The following RASSF5 variants were observed in gnomAD, a reference collection of about 807,000 sequenced individuals.
The protein encoded by RASSF5 is Ras association domain family member 5, also known as ras association domain-containing protein 5.
In RASSF5, 25 loss-of-function variants were observed where a neutral mutation model predicts 40.5. The ratio of observed to expected loss-of-function variants is 0.62; its 90% confidence interval spans 0.45 to 0.86. RASSF5 has a LOEUF of 0.86. Ranked by LOEUF, RASSF5 falls within the 40% of genes least tolerant of loss-of-function variation. The pLI is 0.00. For missense variants in RASSF5, 521 were observed against 572.8 expected (o/e 0.91, Z 0.92); for synonymous variants, 246 against 252.4 (o/e 0.97, Z 0.24).
chr1:206,517,494 G>T (rs1666780923), intron 1 of RASSF5, among the ~76,000 whole-genome samples: 1 of 152,054 alleles, frequency 6.6e-6, no homozygotes, highest in Non-Finnish European at 1.5e-5. Context: ...AAAAGAACAA[G>T]TGTCCCTCCT....
At chr1:206,557,486 C>G (rs1553401942) in intron 2 of RASSF5, 1 of 1,583,172 alleles carries the variant, frequency 6.3e-7, no homozygotes, top group Admixed American at 1.7e-5. Context: ...CAAGCGGAGC[C>G]CGGGGAGGGG....
chr1:206,543,441 T>G (rs1667595085), intron 2 of RASSF5: 1 of 152,128 alleles, frequency 6.6e-6, no homozygotes, highest in Non-Finnish European at 1.5e-5. Context: ...AAGGTGCTCT[T>G]CCAAAGGACA....
At chr1:206,551,411 T>G (rs1311582633) in intron 2 of RASSF5, among the ~76,000 whole-genome samples, 2 of 152,196 alleles carry the variant, frequency 1.3e-5, no homozygotes, top group Non-Finnish European at 2.9e-5. Context: ...TTACCCTGGC[T>G]AGGCCGTCCC....
chr1:206,572,297 C>G lies in RASSF5; in HGVS notation c.580-10972C>G, dbSNP rs150586344. ...CGCCTCAGTGAACAAGCCAAAGACC[C>G]TGCCTTGAGGGAGCTTCTTCCGAGA... On this transcript the variant is annotated intron_variant, in intron 2 of 5. Coordinates refer to ENST00000579436, the MANE Select transcript of RASSF5 (RefSeq NM_182663.4). Among the ~76,000 whole-genome samples the G allele has an allele frequency of 3.7e-3, 570 of 152,262 alleles. 5 individuals are homozygous for G. The highest frequency in any genetic ancestry group is 0.013 in the African/African-American group (537 of 41,548).
rs782332110 is a variant in RASSF5, at chr1:206,538,280, T to C, written c.566T>C (p.Val189Ala). The change falls in exon 2 of 6, where the codon GTG (valine) becomes GCG (alanine). Residue 189 changes from valine to alanine, a missense_variant. Val to Ala is a moderately conservative substitution (Grantham distance 64, BLOSUM62 0). Coordinates refer to ENST00000579436, the MANE Select transcript of RASSF5 (RefSeq NM_182663.4). ...DRPSPESTLT[V>A]TFSQNVCKPV... ...CCCTCTCCAGAAAGCACCCTCACCG[T>C]GACCTTCAGCCAGGTAGGTGCCAAA... is the stretch of plus-strand genomic sequence containing the variant. 1 of 1,613,840 alleles carries C rather than the reference T, an allele frequency of 6.2e-7. No individual in the cohort carries two copies. Among genetic ancestry groups the C allele is most frequent in the Non-Finnish European group, 8.5e-7 (1 of 1,180,020 alleles).
At position 206,579,666 on chromosome 1, in the gene RASSF5, T is replaced by A. The variant is rs371557123; in HGVS notation, c.580-3603T>A. 7.9e-5 allele frequency among the ~76,000 whole-genome samples: 12 copies of A among 152,166 alleles called. No homozygotes were observed. Among genetic ancestry groups the A allele is most frequent in the African/African-American group, 2.9e-4 (12 of 41,428 alleles). On this transcript the variant is annotated intron_variant, in intron 2 of 5. Transcript: ENST00000579436. This position sits in a 1 kb window ranked among gnomAD's most constrained non-coding sequence, Gnocchi z 4.2. ...GAATTAAAATCAACTAGGAGATTTT[T>A]AAAATTCCCATGCCCAGACTGCACC... is the stretch of plus-strand genomic sequence containing the variant.
intron 2 of RASSF5, among the ~76,000 whole-genome samples, chr1:206,549,952 C>T (rs1331592977): frequency 6.6e-6 from 1 of 152,194 alleles, no homozygotes; most frequent in Non-Finnish European, 1.5e-5. Context: ...CAGGTGAATA[C>T]TATAGGGGCC....
At chr1:206,572,901 G>A (rs1668498611) in intron 2 of RASSF5, among the ~76,000 whole-genome samples, 1 of 152,098 alleles carries the variant, frequency 6.6e-6, no homozygotes, top group Non-Finnish European at 1.5e-5. Flanking sequence ...TTGGCTGAAG[G>A]GCCTATCGGG....
rs1667364025 is a variant in RASSF5, at chr1:206,535,634, G to C, written c.458-2538G>C. Among the ~76,000 whole-genome samples the C allele has an allele frequency of 6.6e-6, 1 of 152,048 alleles. No individual in the cohort carries two copies. Among genetic ancestry groups the C allele is most frequent in the South Asian group, 2.1e-4 (1 of 4,820 alleles). On this transcript the variant is annotated intron_variant, in intron 1 of 5. Coordinates refer to ENST00000579436, the MANE Select transcript of RASSF5 (RefSeq NM_182663.4). This position sits in a 1 kb window ranked among gnomAD's most constrained non-coding sequence, Gnocchi z 5.0. ...TTATAAAATCCCAGAACACTTCTCA[G>C]AGTCTTCTGCTACTTAGTGTTGTCC...
Position 206,584,305 on chromosome 1 carries a change from G to A in RASSF5, c.691-82G>A. On this transcript the variant is annotated intron_variant, in intron 3 of 5. Transcript: ENST00000579436. This position sits in a 1 kb window ranked among gnomAD's most constrained non-coding sequence, Gnocchi z 4.9. ...GAACTCAAGGAGACAGGTGGGTGCTGCTGGGGCAATGGCCCCGAGTGGCAG... is the reference window on the plus strand; with the variant it reads ...GAACTCAAGGAGACAGGTGGGTGCTACTGGGGCAATGGCCCCGAGTGGCAG... The A allele has an allele frequency of 1.5e-6, 2 of 1,378,138 alleles. No individual in the cohort carries two copies. The highest frequency in any genetic ancestry group is 2.4e-5 in the East Asian group (1 of 41,968). 85.4% of individuals were successfully genotyped at this position (1,378,138 alleles called of 1,614,324 possible).
chr1:206,523,262 C>G (rs1388113030), intron 1 of RASSF5, among the ~76,000 whole-genome samples: 1 of 148,128 alleles, frequency 6.8e-6, no homozygotes, highest in Non-Finnish European at 1.5e-5. Flanking sequence ...AGAGATTGTG[C>G]CACTGTGCTC....
At chr1:206,558,274 C>T (rs1668044899) in intron 2 of RASSF5, among the ~76,000 whole-genome samples, 1 of 152,084 alleles carries the variant, frequency 6.6e-6, no homozygotes, top group African/African-American at 2.4e-5. Flanking sequence ...GTTTGGGTAA[C>T]CTGAAGGGGC....
chr1:206,578,644 A>C (rs1668749550), intron 2 of RASSF5, among the ~76,000 whole-genome samples: 1 of 152,190 alleles, frequency 6.6e-6, no homozygotes, highest in Admixed American at 6.5e-5. Context: ...ATTTTGGTCA[A>C]GAAAAAGTAG....
rs1279617709 is a variant in RASSF5 at position 206,584,979 on chromosome 1, A to G, written c.989-201A>G. 1 of 609,910 alleles carries G rather than the reference A, an allele frequency of 1.6e-6. No homozygotes were observed. Among genetic ancestry groups the G allele is most frequent in the Non-Finnish European group, 2.9e-6 (1 of 344,162 alleles). The allele number at this position is 609,910 out of a possible 1,614,324, so 37.8% of individuals were successfully genotyped here. On this transcript the variant is annotated intron_variant, in intron 4 of 5. Transcript: ENST00000579436. The surrounding 1 kb of genome is among the most constrained non-coding windows in gnomAD (Gnocchi z 4.9). Reference sequence around the variant, plus strand: ...TCTTTCAGGAGATGATGTGAATGGAATCATGCTTTAAACTCTGAGCAGACA... The same window carrying G: ...TCTTTCAGGAGATGATGTGAATGGAGTCATGCTTTAAACTCTGAGCAGACA...
intron 2 of RASSF5, among the ~76,000 whole-genome samples, chr1:206,546,426 A>G (rs1667695360): frequency 6.6e-6 from 1 of 151,954 alleles, no homozygotes; most frequent in African/African-American, 2.4e-5. Flanking sequence ...TTGGTTTTCT[A>G]TGAGTATTCT....
intron 2 of RASSF5, among the ~76,000 whole-genome samples, chr1:206,563,159 A>G (rs910646598): frequency 3.9e-5 from 6 of 152,078 alleles, no homozygotes; most frequent in African/African-American, 1.4e-4. Flanking sequence ...GTTTCTTGCA[A>G]CCACGGGCCA....
chr1:206,563,564 A>T (rs1668206395), intron 2 of RASSF5, among the ~76,000 whole-genome samples: 1 of 152,174 alleles, frequency 6.6e-6, no homozygotes, highest in African/African-American at 2.4e-5. Flanking sequence ...CCTGCACCAG[A>T]ACTACTCTTT....
At chr1:206,553,617 G>A (rs1441454128) in intron 2 of RASSF5, among the ~76,000 whole-genome samples, 8 of 152,198 alleles carry the variant, frequency 5.3e-5, no homozygotes, top group South Asian at 2.1e-4. Context: ...AGATACCTGG[G>A]AGAGAAAGAA....
intron 1 of RASSF5, among the ~76,000 whole-genome samples, chr1:206,523,735 TATAATATATTTTATATAATATAC>T: frequency 1.0e-5 from 1 of 97,414 alleles, no homozygotes; most frequent in African/African-American, 4.4e-5. Flanking sequence ...ATATATTATA[TATAATATATTTTATATAATATAC>T]ATAATATATT....
Sources: allele counts gnomAD v4.1 joint callset (sites outside exome capture counted in the v4.1 genomes callset), GRCh38; gene constraint gnomAD v4.1.1; non-coding constraint Gnocchi (gnomAD v3.1); transcripts MANE v1.5; gene names NCBI Gene and HGNC (gene_info 2026-07-23, HGNC 2026-07-21).